The following VWA3B variants were observed in gnomAD, a reference collection of about 807,000 sequenced individuals.
VWA3B encodes the protein von Willebrand factor A domain-containing protein 3B.
Under a neutral mutation model 158.3 loss-of-function variants are expected in VWA3B, and 138 were observed. The ratio of observed to expected loss-of-function variants is 0.87; its 90% CI spans 0.76 to 1.00. The LOEUF (loss-of-function observed/expected upper bound fraction) is 1.00, where lower values mean the gene tolerates loss of function less well. VWA3B is among the 50% of genes least tolerant of loss of function. The pLI, the probability that VWA3B is intolerant of heterozygous loss-of-function variation, is 0.00. For missense variants in VWA3B, 1,555 were observed against 1,565.1 expected, an observed-to-expected ratio of 0.99 and a Z score of 0.11; for synonymous variants, 596 against 587.3, an observed-to-expected ratio of 1.01 and a Z score of -0.21.
intron 9 of VWA3B, among the ~76,000 whole-genome samples, chr2:98,183,036 A>AT (rs1469831768): frequency 1.3e-5 from 2 of 152,256 alleles, no homozygotes; most frequent in Non-Finnish European, 1.5e-5. Context: ...AATACTGATC[A>AT]TCTCCTAACT....
Position 98,212,027 on chromosome 2 carries a change from A to G in VWA3B, c.1835A>G (p.Gln612Arg), listed in dbSNP as rs777622736. The change falls in exon 13 of 28, where the codon CAG becomes CGG. Residue 612 changes from glutamine to arginine, a missense_variant and splice_region_variant. Transcript: ENST00000477737. ...IYLLTDGRPD[Q>R]PPETVIDQVK... ...CTTCTGACCGATGGGAGACCTGATCAGGTACTTACCAGAGCTGGGAACAAA... is the reference window on the plus strand; with the variant it reads ...CTTCTGACCGATGGGAGACCTGATCGGGTACTTACCAGAGCTGGGAACAAA... The G allele has an allele frequency of 5.6e-5, 90 of 1,613,740 alleles. No individual in the cohort carries two copies. The Admixed American group carries it at 1.5e-3, about 26-fold the overall frequency.
At chr2:98,326,355 T>C in the VWA3B span, among the ~76,000 whole-genome samples, 7 of 152,190 alleles carry the variant, frequency 4.6e-5, no homozygotes, top group African/African-American at 1.7e-4. Context: ...TGAAACAAAG[T>C]ATAAATTACC....
chr2:98,324,121 C>T, the VWA3B span, among the ~76,000 whole-genome samples: 12 of 150,842 alleles, frequency 8.0e-5, no homozygotes, highest in African/African-American at 2.9e-4. Flanking sequence ...GATCCAAAGA[C>T]AAGGAGCCAT....
In VWA3B at chr2:98,170,609, AT is replaced by A. The variant is rs34549342; in HGVS notation, c.1114+7647del. Among the ~76,000 whole-genome samples, 830 of 146,108 alleles carry A rather than the reference AT, an allele frequency of 5.7e-3. 4 individuals are homozygous for A. The highest frequency in any genetic ancestry group is 0.019 in the African/African-American group (737 of 39,612). On this transcript the variant is annotated intron_variant, in intron 8 of 27. Transcript: ENST00000477737. ...AGTACACAGACTCAGAGTTAGGAAG[AT>A]TTTTTTTTTTTTTGAGATGGAGTAT...
At chr2:98,151,961 AT>A (rs1436998467) in intron 7 of VWA3B, among the ~76,000 whole-genome samples, 1 of 152,180 alleles carries the variant, frequency 6.6e-6, no homozygotes, top group Non-Finnish European at 1.5e-5. Context: ...CACAAAGAGC[AT>A]TTTTCTAATG....
intron 1 of VWA3B, among the ~76,000 whole-genome samples, chr2:98,092,860 A>ATATATATG (rs1553633936): frequency 2.7e-4 from 32 of 118,518 alleles, no homozygotes; most frequent in Non-Finnish European, 4.2e-4. Context: ...ATATATATAT[A>ATATATATG]GTTGAATATT....
intron 9 of VWA3B, among the ~76,000 whole-genome samples, chr2:98,182,059 A>G (rs1448881043): frequency 6.6e-6 from 1 of 152,266 alleles, no homozygotes; most frequent in Non-Finnish European, 1.5e-5. Context: ...AGGCTCTTTC[A>G]GGAGGTGGCA....
chr2:98,255,252 G>A (rs189649727), intron 20 of VWA3B, among the ~76,000 whole-genome samples: 18,355 of 124,312 alleles, frequency 0.15, 1,820 homozygotes, highest in Non-Finnish European at 0.2. Flanking sequence ...GGCTGGTCTC[G>A]AACTCCTGAC....
At chr2:98,254,165 T>C (rs2105815052) in intron 20 of VWA3B, among the ~76,000 whole-genome samples, 1 of 152,300 alleles carries the variant, frequency 6.6e-6, no homozygotes, top group African/African-American at 2.4e-5. Context: ...GATCACTTTA[T>C]GTATGCATCT....
intron 5 of VWA3B, among the ~76,000 whole-genome samples, chr2:98,126,084 G>A (rs116620778): frequency 4.9e-4 from 75 of 152,290 alleles, no homozygotes; most frequent in African/African-American, 1.7e-3. Flanking sequence ...AATCTGTAGC[G>A]TAACACAGGG....
At chr2:98,139,845 C>A (rs368519037) in intron 7 of VWA3B, among the ~76,000 whole-genome samples, 4 of 152,050 alleles carry the variant, frequency 2.6e-5, no homozygotes, top group South Asian at 4.1e-4. Flanking sequence ...GTAACCCCCT[C>A]AGGTCCCCTC....
chr2:98,154,725 C>T (rs1163009527), intron 7 of VWA3B, among the ~76,000 whole-genome samples: 1 of 152,188 alleles, frequency 6.6e-6, no homozygotes, highest in Non-Finnish European at 1.5e-5. Flanking sequence ...ACACACGGGG[C>T]AGAGAGAAAC....
chr2:98,154,481 G>A (rs941566212), intron 7 of VWA3B, among the ~76,000 whole-genome samples: 4 of 152,088 alleles, frequency 2.6e-5, no homozygotes, highest in Admixed American at 1.3e-4. Flanking sequence ...TCCCAACTAA[G>A]GAGAGTAAGC....
intron 7 of VWA3B, among the ~76,000 whole-genome samples, chr2:98,160,024 G>A (rs1242584527): frequency 1.4e-5 from 2 of 138,670 alleles, no homozygotes; most frequent in South Asian, 2.5e-4. Context: ...AAAAAAAAAA[G>A]ATACATAAAG....
chr2:98,241,705 G>A (rs1191262082), intron 19 of VWA3B, among the ~76,000 whole-genome samples: 1 of 151,976 alleles, frequency 6.6e-6, no homozygotes, highest in African/African-American at 2.4e-5. Context: ...CCCAGGGGAG[G>A]GGATGAACAG....
intron 7 of VWA3B, among the ~76,000 whole-genome samples, chr2:98,134,769 A>G (rs928930881): frequency 6.6e-6 from 1 of 152,102 alleles, no homozygotes; most frequent in African/African-American, 2.4e-5. Flanking sequence ...GAGAAGCTGT[A>G]GCAACAGCTG....
At chr2:98,234,904 C>T (rs1685576960) in intron 17 of VWA3B, 137 bp downstream of exon 17, 14 of 1,320,882 alleles carry the variant, frequency 1.1e-5, no homozygotes, top group Middle Eastern at 2.7e-4. Context: ...AAAGGAATCC[C>T]TTGTAAGTCA....
intron 16 of VWA3B, among the ~76,000 whole-genome samples, chr2:98,232,991 A>C (rs62156684): frequency 0.041 from 6,249 of 152,270 alleles, 194 homozygotes; most frequent in Middle Eastern, 0.082. Context: ...AGGGCCGCTA[A>C]CTGGAGATTG....
At chr2:98,311,797 C>A (rs1299578816) in intron 26 of VWA3B, 22 bp from the exon 27 acceptor site, 3 of 1,566,420 alleles carry the variant, frequency 1.9e-6, no homozygotes, top group Middle Eastern at 1.7e-4. Context: ...GCAGGGTAAC[C>A]CTGATCTCTC....
Sources: allele counts gnomAD v4.1 joint callset (sites outside exome capture counted in the v4.1 genomes callset), GRCh38; gene constraint gnomAD v4.1.1; transcripts MANE v1.5; gene names NCBI Gene and HGNC (gene_info 2026-07-23, HGNC 2026-07-21).